The following AFF3 variants were observed in gnomAD, a reference collection of about 807,000 sequenced individuals.
AFF3 encodes the protein ALF transcription elongation factor 3.
In AFF3, 32 loss-of-function variants were observed where a neutral mutation model predicts 129.7. The ratio of observed to expected loss-of-function variants is 0.25; its 90% CI spans 0.19 to 0.33. The LOEUF is 0.33. AFF3 is among the 10% of genes least tolerant of loss of function. AFF3 has a pLI of 1.00. For missense variants in AFF3, 1,373 were observed against 1,592.0 expected (o/e 0.86, Z 2.34); for synonymous variants, 644 against 635.4 (o/e 1.01, Z -0.20).
chr2:100,123,893 G>T (rs1346088775), intron 2 of AFF3, among the ~76,000 whole-genome samples: 1 of 151,984 alleles, frequency 6.6e-6, no homozygotes, highest in Non-Finnish European at 1.5e-5. Context: ...GAAGAAACAA[G>T]AATGCCTTCC....
chr2:99,725,161 G>C (rs1192001396), intron 11 of AFF3, among the ~76,000 whole-genome samples: 1 of 151,416 alleles, frequency 6.6e-6, no homozygotes, highest in African/African-American at 2.4e-5. Context: ...TTTTGGTAGA[G>C]ATGGGGTTTC....
rs183644301 is a variant in AFF3, at chr2:100,078,129, C to A, written c.53+26273G>T. On this transcript the variant is annotated intron_variant, in intron 4 of 24. Coordinates refer to ENST00000672756, the MANE Select transcript of AFF3 (RefSeq NM_001386135.1). ...CTAGAAAGCAGCACAGACTGGCCAG[C>A]AAATTCATGCCAAGCTAGACTGGCT... is the stretch of plus-strand genomic sequence containing the variant. 2.0e-5 allele frequency among the ~76,000 whole-genome samples: 3 copies of A among 152,334 alleles called. No individual in the cohort carries two copies. The East Asian group carries it at 5.8e-4, about 29-fold the overall frequency.
At chr2:99,872,161 G>A (rs988891213) in intron 7 of AFF3, among the ~76,000 whole-genome samples, 14 of 137,108 alleles carry the variant, frequency 1.0e-4, no homozygotes, top group South Asian at 2.3e-4. Flanking sequence ...AGCCGAGATC[G>A]CGCCACTGCA....
chr2:99,943,103 G>C (rs569722666), intron 7 of AFF3, among the ~76,000 whole-genome samples: 1 of 152,102 alleles, frequency 6.6e-6, no homozygotes, highest in Non-Finnish European at 1.5e-5. Flanking sequence ...ATTCCTGTTC[G>C]AGGTTTGCCC....
At chr2:99,751,993 C>T (rs1330018010) in intron 9 of AFF3, among the ~76,000 whole-genome samples, 2 of 152,120 alleles carry the variant, frequency 1.3e-5, no homozygotes, top group Non-Finnish European at 2.9e-5. Context: ...ATGATAATTA[C>T]AGTAGTATCA....
At chr2:99,698,322 G>A (rs1392330287) in intron 11 of AFF3, among the ~76,000 whole-genome samples, 1 of 152,182 alleles carries the variant, frequency 6.6e-6, no homozygotes, top group African/African-American at 2.4e-5. Context: ...GCTGGTATCT[G>A]CAGAGTGCTG....
intron 19 of AFF3, among the ~76,000 whole-genome samples, chr2:99,567,002 C>T (rs1676033306): frequency 6.7e-6 from 1 of 149,878 alleles, no homozygotes; most frequent in Non-Finnish European, 1.5e-5. Context: ...GGGTCTCACT[C>T]TGTCACCCAG....
At chr2:99,625,505 C>T (rs564871957) in intron 13 of AFF3, among the ~76,000 whole-genome samples, 141 of 152,234 alleles carry the variant, frequency 9.3e-4, no homozygotes, top group Admixed American at 1.6e-3. Context: ...GTATGGATTA[C>T]TTAAGGAAGA....
In AFF3 at chr2:99,725,262, C is replaced by T. The variant is rs184927088; in HGVS notation, c.1091+1815G>A. ...TGCTGGGATTACAGGTGTGAGCCAC[C>T]GTGCCTGGCCAACTTACCTATTTTC... On this transcript the variant is annotated intron_variant, in intron 11 of 24. Coordinates refer to ENST00000672756, the MANE Select transcript of AFF3 (RefSeq NM_001386135.1). Among the ~76,000 whole-genome samples, 983 of 151,690 alleles carry T rather than the reference C, an allele frequency of 6.5e-3. 12 individuals carry two copies. Among genetic ancestry groups the T allele is most frequent in the South Asian group, 0.023 (109 of 4,784 alleles).
intron 12 of AFF3, among the ~76,000 whole-genome samples, chr2:99,654,711 T>C (rs1323342937): frequency 2.0e-5 from 3 of 152,254 alleles, no homozygotes; most frequent in African/African-American, 4.8e-5. Flanking sequence ...GAGTTCATTA[T>C]TCATTACGAA....
chr2:99,956,882 C>T (rs776713146), intron 7 of AFF3, among the ~76,000 whole-genome samples: 20 of 152,116 alleles, frequency 1.3e-4, no homozygotes, highest in Non-Finnish European at 2.1e-4. Flanking sequence ...GAAGAGGCAA[C>T]GTGAGTTCTA....
intron 7 of AFF3, among the ~76,000 whole-genome samples, chr2:99,916,101 T>C (rs1283250083): frequency 7.9e-5 from 12 of 152,266 alleles, no homozygotes; most frequent in South Asian, 2.1e-4. Context: ...CCTGTGGCCA[T>C]AAAACTGGGA....
chr2:99,743,339 C>G (rs74621088), intron 10 of AFF3, among the ~76,000 whole-genome samples: 2,089 of 152,280 alleles, frequency 0.014, 37 homozygotes, highest in African/African-American at 0.048. Flanking sequence ...GTTCCACAGA[C>G]AGATCTACAG....
intron 11 of AFF3, among the ~76,000 whole-genome samples, chr2:99,674,529 CCT>C (rs1175912531): frequency 6.6e-6 from 1 of 152,086 alleles, no homozygotes; most frequent in African/African-American, 2.4e-5. Context: ...ACTCCCATGC[CCT>C]CTTTTGGGTA....
chr2:99,593,420 G>C lies in AFF3; in HGVS notation c.2241C>G (p.Pro747=). 1 of 1,613,944 alleles carries C rather than the reference G, an allele frequency of 6.2e-7. No homozygotes were observed. Among genetic ancestry groups the C allele is most frequent in the Non-Finnish European group, 8.5e-7 (1 of 1,179,984 alleles). The change falls in exon 15 of 25, where the codon CCC becomes CCG. Residue 747 remains proline (P), a synonymous_variant. Coordinates refer to ENST00000672756, the MANE Select transcript of AFF3 (RefSeq NM_001386135.1). ...GGGAGAGAAGTTCGTTCCGGCCAAA[G>C]GGGACCAGTGTGTAGAACTGCTCCT... ...ELEEQFYTLV[P]FGRNELLSPL...
intron 9 of AFF3, among the ~76,000 whole-genome samples, chr2:99,750,418 C>CTTT (rs59169692): frequency 1.5e-5 from 2 of 129,102 alleles, no homozygotes; most frequent in African/African-American, 2.8e-5. Flanking sequence ...TTTTTCTTTT[C>CTTT]TTTTTTTTTT....
At chr2:99,876,477 A>G (rs1412300699) in intron 7 of AFF3, among the ~76,000 whole-genome samples, 1 of 152,134 alleles carries the variant, frequency 6.6e-6, no homozygotes, top group Admixed American at 6.5e-5. Context: ...TCACACATCT[A>G]CGATACCCCG....
At chr2:99,863,457 C>T (rs757673217) in intron 7 of AFF3, among the ~76,000 whole-genome samples, 22 of 152,048 alleles carry the variant, frequency 1.4e-4, no homozygotes, top group Non-Finnish European at 2.4e-4. Context: ...TTTGCATAAT[C>T]CCAACCCTAA....
intron 7 of AFF3, among the ~76,000 whole-genome samples, chr2:99,947,601 A>AAGATAGATAGATAGAT: frequency 7.3e-6 from 1 of 136,600 alleles, no homozygotes; most frequent in African/African-American, 2.8e-5. Context: ...GAAAGAAAGA[A>AAGATAGATAGATAGAT]AGATAGATAG....
Sources: gnomAD v4.1 joint callset for allele counts (sites outside exome capture counted in the v4.1 genomes callset) on GRCh38, gnomAD v4.1.1 for gene constraint, MANE v1.5 for transcripts, NCBI Gene and HGNC (gene_info 2026-07-23, HGNC 2026-07-21) for gene names.